Variants in AMMECR1L observed in about 807,000 individuals in gnomAD.
AMMECR1L encodes AMMECR1-like protein.
A neutral mutation model predicts 36.8 loss-of-function variants in AMMECR1L; 4 were observed. That is an observed-to-expected ratio of 0.11 (90% CI 0.05 to 0.25). The LOEUF is 0.25. Among genes scored for constraint, AMMECR1L ranks in the 10% least tolerant of loss-of-function variants. AMMECR1L has a pLI of 1.00. For missense variants in AMMECR1L, 232 were observed against 392.1 expected, an observed-to-expected ratio of 0.59 and a Z score of 3.45; for synonymous variants, 147 against 148.0, an observed-to-expected ratio of 0.99 and a Z score of 0.05.
In AMMECR1L at chr2:127,871,503, GC is replaced by G; in HGVS notation, c.408-145del. On this transcript the variant is annotated intron_variant, in intron 3 of 7. Coordinates refer to ENST00000272647, the MANE Select transcript of AMMECR1L (RefSeq NM_001199140.2). This position sits in a 1 kb window ranked among gnomAD's most constrained non-coding sequence, Gnocchi z 4.3. ...TTGCCAGCTACCCGAAGGACTCTCT[GC>G]CTTTCTGAAAACGGCACAGCCCCTG... 1.3e-6 allele frequency: 1 copy of G among 786,762 alleles called. No homozygotes were observed. 48.7% of individuals were successfully genotyped at this position (786,762 alleles called of 1,614,324 possible).
intron 2 of AMMECR1L, among the ~76,000 whole-genome samples, chr2:127,881,078 T>C (rs1055683426): frequency 2.2e-5 from 3 of 135,814 alleles, no homozygotes; most frequent in East Asian, 2.1e-4. Context: ...TGCTAAAACA[T>C]ACCAGTAGCT....
rs1690648658 is a variant in AMMECR1L at position 127,865,555 on chromosome 2, C to G, written c.822-350G>C. 6.6e-6 allele frequency among the ~76,000 whole-genome samples: 1 copy of G among 152,354 alleles called. No individual in the cohort carries two copies. Among genetic ancestry groups the G allele is most frequent in the Non-Finnish European group, 1.5e-5 (1 of 68,044 alleles). On this transcript the variant is annotated intron_variant, in intron 7 of 7. Transcript: ENST00000272647. This position sits in a 1 kb window ranked among gnomAD's most constrained non-coding sequence, Gnocchi z 5.4. ...ACTCGGGTGGCAGATTGGAAGATGG[C>G]TGCACCAAAACCCAGTGCAAACTGC... is the stretch of plus-strand genomic sequence containing the variant.
chr2:127,875,591 T>C (rs1394769741), intron 2 of AMMECR1L, among the ~76,000 whole-genome samples: 1 of 152,238 alleles, frequency 6.6e-6, no homozygotes. Flanking sequence ...AACTTGTCAC[T>C]TTACGTTGAA....
intron 2 of AMMECR1L, among the ~76,000 whole-genome samples, chr2:127,879,512 C>T (rs1691396000): frequency 6.6e-6 from 1 of 152,002 alleles, no homozygotes; most frequent in African/African-American, 2.4e-5. Flanking sequence ...CCAATTAAGC[C>T]TTTTTTTTAA....
At position 127,862,242 on chromosome 2, in the gene AMMECR1L, A is replaced by G. The variant is rs1690498999; in HGVS notation, c.*2852T>C. 6.5e-6 allele frequency: 1 copy of G among 153,772 alleles called. No individual in the cohort carries two copies. The highest frequency in any genetic ancestry group is 6.5e-5 in the Admixed American group (1 of 15,276). 9.5% of individuals were successfully genotyped at this position (153,772 alleles called of 1,614,324 possible). A position where few individuals can be genotyped will look rare whatever the true frequency, so the allele number is the denominator to read the frequency against. On this transcript the variant is annotated 3_prime_UTR_variant, in exon 8 of 8. Coordinates refer to ENST00000272647, the MANE Select transcript of AMMECR1L (RefSeq NM_001199140.2). ...GATGAAACGAACTCCGAACCAAGCCAGAGAAATTGGGCTGGTCCTTGAAAA... is the reference window on the plus strand; with the variant it reads ...GATGAAACGAACTCCGAACCAAGCCGGAGAAATTGGGCTGGTCCTTGAAAA...
intron 7 of AMMECR1L, 79 bp downstream of exon 7, chr2:127,866,821 C>T: frequency 7.5e-7 from 1 of 1,337,020 alleles, no homozygotes; most frequent in Non-Finnish European, 1.1e-6. Context: ...GAGAACACTT[C>T]TTCTCCATCC....
rs1690540333 is a variant in AMMECR1L at position 127,863,230 on chromosome 2, C to G, written c.*1864G>C. ...AACCGTTGCCACGTTTTTAACAAGACATTTATTCTCAGCAGCAGGAAATCA... is the reference window on the plus strand; with the variant it reads ...AACCGTTGCCACGTTTTTAACAAGAGATTTATTCTCAGCAGCAGGAAATCA... On this transcript the variant is annotated 3_prime_UTR_variant, in exon 8 of 8. Transcript: ENST00000272647. 6.6e-6 allele frequency: 1 copy of G among 152,596 alleles called. No homozygotes were observed. The highest frequency in any genetic ancestry group is 1.5e-5 in the Non-Finnish European group (1 of 68,060). 9.5% of individuals were successfully genotyped at this position (152,596 alleles called of 1,614,324 possible).
chr2:127,884,199 T>A lies in AMMECR1L; in HGVS notation c.-39+4A>T, dbSNP rs1691650283. ...ACTCTAAATATGCCCAAGATAATAC[T>A]CACTGAAAGCAGAAAGTTTGTATTG... On this transcript the variant is annotated splice_donor_region_variant and intron_variant, in intron 2 of 7. Coordinates refer to ENST00000272647, the MANE Select transcript of AMMECR1L (RefSeq NM_001199140.2). The A allele has an allele frequency of 6.6e-6, 1 of 152,094 alleles. No homozygotes were observed. The highest frequency in any genetic ancestry group is 1.5e-5 in the Non-Finnish European group (1 of 68,024). The allele number at this position is 152,094 out of a possible 1,614,324, so 9.4% of individuals were successfully genotyped here.
chr2:127,880,858 C>G (rs1203225777), intron 2 of AMMECR1L, among the ~76,000 whole-genome samples: 2 of 152,096 alleles, frequency 1.3e-5, no homozygotes, highest in East Asian at 1.9e-4. Flanking sequence ...TGCCTGCTGA[C>G]AGTGGAGTAT....
chr2:127,883,558 T>C (rs1258303602), intron 2 of AMMECR1L, among the ~76,000 whole-genome samples: 3 of 152,308 alleles, frequency 2.0e-5, no homozygotes, highest in Middle Eastern at 3.4e-3. Flanking sequence ...TTATCCCCTG[T>C]GTCCCTCAGA....
At position 127,871,427 on chromosome 2, in the gene AMMECR1L, G is replaced by A; in HGVS notation, c.408-68C>T. 4.0e-6 allele frequency: 6 copies of A among 1,500,334 alleles called. No homozygotes were observed. In the South Asian group the frequency reaches 4.7e-5, roughly 12 times the overall value. 92.9% of individuals were successfully genotyped at this position (1,500,334 alleles called of 1,614,324 possible). On this transcript the variant is annotated intron_variant, in intron 3 of 7. Transcript: ENST00000272647. This position sits in a 1 kb window ranked among gnomAD's most constrained non-coding sequence, Gnocchi z 4.3. ...ATCATGGATAAGAACAAAACCTTTT[G>A]GCTTTGTCCCTATTCATTTCTGTTA...
rs75576934 is a variant in AMMECR1L at position 127,867,890 on chromosome 2, G to A, written c.725-894C>T. Among the ~76,000 whole-genome samples the A allele has an allele frequency of 5.0e-3, 753 of 151,908 alleles. 2 individuals are homozygous for A. The highest frequency in any genetic ancestry group is 8.4e-3 in the Non-Finnish European group (573 of 67,934). ...GTTATTCTTGCACATTCTTTTTTTT[G>A]AGACAGGTTCTCACTCCTGTCACCC... On this transcript the variant is annotated intron_variant, in intron 6 of 7. Transcript: ENST00000272647.
chr2:127,867,758 A>T (rs982685073), intron 6 of AMMECR1L, among the ~76,000 whole-genome samples: 1 of 152,134 alleles, frequency 6.6e-6, no homozygotes, highest in African/African-American at 2.4e-5. Context: ...GGAAGAAATA[A>T]AAAGGGAAAG....
rs1691744476 is a variant in AMMECR1L at position 127,885,658 on chromosome 2, C to T, written c.-149+152G>A. The T allele has an allele frequency of 6.1e-6, 6 of 983,488 alleles. No homozygotes were observed. In the African/African-American group the frequency reaches 1.0e-4, roughly 17 times the overall value. 60.9% of individuals were successfully genotyped at this position (983,488 alleles called of 1,614,324 possible). Reference sequence around the variant, plus strand: ...CGCCCGGGACTCCTCCCCCCCGCTGCCCCCGGACCCTCGCCCCAGGACCGC... The same window carrying T: ...CGCCCGGGACTCCTCCCCCCCGCTGTCCCCGGACCCTCGCCCCAGGACCGC... On this transcript the variant is annotated intron_variant, in intron 1 of 7. Coordinates refer to ENST00000272647, the MANE Select transcript of AMMECR1L (RefSeq NM_001199140.2).
At chr2:127,875,396 G>A (rs1305318225) in intron 2 of AMMECR1L, among the ~76,000 whole-genome samples, 2 of 152,114 alleles carry the variant, frequency 1.3e-5, no homozygotes. Flanking sequence ...GCAAGTGGGG[G>A]GAGGGAGAGA....
intron 6 of AMMECR1L, 145 bp from the exon 7 acceptor site, chr2:127,867,141 G>A (rs1001735136): frequency 1.4e-4 from 201 of 1,468,738 alleles, no homozygotes; most frequent in Admixed American, 1.2e-4. Flanking sequence ...TGACCCCCAC[G>A]TACCTGGCGC....
At chr2:127,877,367 ACT>A (rs1177245582) in intron 2 of AMMECR1L, among the ~76,000 whole-genome samples, 3 of 146,938 alleles carry the variant, frequency 2.0e-5, no homozygotes, top group Admixed American at 6.8e-5. Flanking sequence ...ACAAAGTCTC[ACT>A]CTGTCACCCA....
chr2:127,868,300 A>C (rs1475509653), intron 6 of AMMECR1L, among the ~76,000 whole-genome samples: 1 of 152,202 alleles, frequency 6.6e-6, no homozygotes, highest in Non-Finnish European at 1.5e-5. Context: ...TTAATTATTT[A>C]CTTAAGTTAT....
chr2:127,885,259 G>A, intron 1 of AMMECR1L: 1 of 983,872 alleles, frequency 1.0e-6, no homozygotes, highest in Non-Finnish European at 1.2e-6. Context: ...AGCGGGGAGG[G>A]GAAAAGCGGG....
Sources: allele counts gnomAD v4.1 joint callset (sites outside exome capture counted in the v4.1 genomes callset), GRCh38; gene constraint gnomAD v4.1.1; non-coding constraint Gnocchi (gnomAD v3.1); transcripts MANE v1.5; gene names NCBI Gene and HGNC (gene_info 2026-07-23, HGNC 2026-07-21).